The following FKBP6 variants were observed in gnomAD, a reference collection of about 807,000 sequenced individuals.
FKBP6 encodes FKBP prolyl isomerase family member 6 (inactive), also known as inactive peptidyl-prolyl cis-trans isomerase FKBP6.
In FKBP6, 29 loss-of-function variants were observed where a neutral mutation model predicts 41.7. The observed-to-expected ratio is 0.70, with a 90% confidence interval of 0.52 to 0.95. The LOEUF is 0.95. Among genes scored for constraint, FKBP6 ranks in the 40% least tolerant of loss-of-function variants. FKBP6 has a pLI of 0.00. For missense variants in FKBP6, 338 were observed against 408.7 expected, an observed-to-expected ratio of 0.83 and a Z score of 1.49; for synonymous variants, 130 against 165.1, an observed-to-expected ratio of 0.79 and a Z score of 1.63.
intron 5 of FKBP6, among the ~76,000 whole-genome samples, chr7:73,337,309 CTTTT>C (rs5884903): frequency 4.4e-5 from 5 of 112,468 alleles, no homozygotes; most frequent in Admixed American, 2.9e-4. Context: ...CTTCCATGTT[CTTTT>C]TTTTTTTTTT....
chr7:73,355,502 C>T (rs567411202), intron 8 of FKBP6, among the ~76,000 whole-genome samples: 9 of 152,302 alleles, frequency 5.9e-5, no homozygotes, highest in African/African-American at 1.9e-4. Flanking sequence ...CTCCCCCCAT[C>T]TGCATTCATG....
Position 73,334,926 on chromosome 7 carries a change from C to T in FKBP6, c.588+3150C>T, listed in dbSNP as rs548938430. Among the ~76,000 whole-genome samples the T allele has an allele frequency of 2.0e-5, 3 of 152,292 alleles. No homozygotes were observed. The East Asian group carries it at 5.8e-4, about 29-fold the overall frequency. ...CCCAGTTCTCATTTCTGGGGTGAGA[C>T]TCTGGCCTTGTAGTCCAAGATGAGG... On this transcript the variant is annotated intron_variant, in intron 5 of 8. Coordinates refer to ENST00000252037, the MANE Select transcript of FKBP6 (RefSeq NM_003602.5).
Position 73,328,505 on chromosome 7 carries a change from G to T in FKBP6, c.57+20G>T. 1.3e-6 allele frequency: 2 copies of T among 1,558,312 alleles called. No homozygotes were observed. Among genetic ancestry groups the T allele is most frequent in the Admixed American group, 3.9e-5 (2 of 51,482 alleles). ...GGCCAGGTGAGGGCCCAGACGTTTC[G>T]GGGGCGTAGACGCTGAGGGGTGGCC... On this transcript the variant is annotated intron_variant, in intron 1 of 8. Transcript: ENST00000252037.
Position 73,352,617 on chromosome 7 carries a change from C to T in FKBP6, c.*3-5564C>T, listed in dbSNP as rs116286731. Among the ~76,000 whole-genome samples the T allele has an allele frequency of 2.9e-3, 439 of 152,254 alleles. 2 individuals are homozygous for T. Among genetic ancestry groups the T allele is most frequent in the African/African-American group, 0.01 (420 of 41,552 alleles). On this transcript the variant is annotated intron_variant, in intron 8 of 8. Transcript: ENST00000252037. ...CTGTCATACTTTTGATGCTCCCCTACGCTCCCAAGCAGCCACCGACCCAGG... is the reference window on the plus strand; with the variant it reads ...CTGTCATACTTTTGATGCTCCCCTATGCTCCCAAGCAGCCACCGACCCAGG...
rs185422920 is a variant in FKBP6 at position 73,329,593 on chromosome 7, C to G, written c.265+144C>G. 1.8e-4 allele frequency: 130 copies of G among 720,344 alleles called. No individual in the cohort carries two copies. In the East Asian group the frequency reaches 3.3e-3, roughly 18 times the overall value. 44.6% of individuals were successfully genotyped at this position (720,344 alleles called of 1,614,324 possible). A position where few individuals can be genotyped will look rare whatever the true frequency, so the allele number is the denominator to read the frequency against. On this transcript the variant is annotated intron_variant, in intron 3 of 8. Coordinates refer to ENST00000252037, the MANE Select transcript of FKBP6 (RefSeq NM_003602.5). Reference sequence around the variant, plus strand: ...TGGGTTTTGGTAACACAGCCATGTTCTCTCCCCTTGAGACCTAGGCATTTG... The same window carrying G: ...TGGGTTTTGGTAACACAGCCATGTTGTCTCCCCTTGAGACCTAGGCATTTG...
chr7:73,336,691 GCACAC>G (rs200269096), intron 5 of FKBP6: 776 of 455,896 alleles, frequency 1.7e-3, no homozygotes, highest in African/African-American at 0.014. Flanking sequence ...ACATGTACCA[GCACAC>G]CACTGTGTGC....
At chr7:73,356,065 CAAAAAAAAA>C (rs71925165) in intron 8 of FKBP6, among the ~76,000 whole-genome samples, 1,993 of 32,210 alleles carry the variant, frequency 0.062, 60 homozygotes, top group African/African-American at 0.16. Flanking sequence ...GACTCTGTCT[CAAAAAAAAA>C]AAAAAAAAAA....
At chr7:73,329,727 C>T (rs1489028223) in intron 3 of FKBP6, 2 of 558,632 alleles carry the variant, frequency 3.6e-6, no homozygotes, top group Non-Finnish European at 6.4e-6. Flanking sequence ...TACTTACTTC[C>T]CACAATACAT....
intron 8 of FKBP6, among the ~76,000 whole-genome samples, chr7:73,352,336 G>C (rs541740388): frequency 6.6e-6 from 1 of 152,338 alleles, no homozygotes; most frequent in East Asian, 1.9e-4. Flanking sequence ...TATCGGCTTA[G>C]TCTGTTTTTA....
intron 2 of FKBP6, 92 bp from the exon 3 acceptor site, chr7:73,329,268 C>T: frequency 1.2e-6 from 1 of 825,298 alleles, no homozygotes. Flanking sequence ...CTCATCTGTT[C>T]ACATTGTTTC....
At chr7:73,329,802 G>T (rs1176362296) in intron 3 of FKBP6, 2 of 522,284 alleles carry the variant, frequency 3.8e-6, no homozygotes, top group East Asian at 3.6e-5. Flanking sequence ...TCACAATGTA[G>T]TGGAGGAGAC....
intron 8 of FKBP6, among the ~76,000 whole-genome samples, chr7:73,345,506 G>A (rs116817529): frequency 3.5e-4 from 53 of 152,280 alleles, no homozygotes; most frequent in African/African-American, 1.0e-3. Flanking sequence ...GCAGGACTCC[G>A]GCCTGGTTGG....
intron 5 of FKBP6, among the ~76,000 whole-genome samples, chr7:73,340,027 T>C (rs1262177493): frequency 1.3e-5 from 2 of 152,258 alleles, no homozygotes; most frequent in East Asian, 3.8e-4. Flanking sequence ...CTTAATATTG[T>C]CTTCCAATTA....
At chr7:73,331,868 T>C in intron 5 of FKBP6, 92 bp downstream of exon 5, 2 of 1,416,804 alleles carry the variant, frequency 1.4e-6, no homozygotes, top group Non-Finnish European at 2.0e-6. Context: ...GATTTTTGTT[T>C]TGTTTTGTTT....
intron 8 of FKBP6, among the ~76,000 whole-genome samples, chr7:73,345,925 C>T (rs1201809505): frequency 3.3e-5 from 5 of 152,100 alleles, no homozygotes; most frequent in Admixed American, 6.6e-5. Context: ...AGGGTCTATC[C>T]GAGCAGAGCT....
At chr7:73,341,449 C>A (rs1348574543) in intron 7 of FKBP6, 67 bp downstream of exon 7, 3 of 973,814 alleles carry the variant, frequency 3.1e-6, no homozygotes, top group Non-Finnish European at 5.0e-6. Context: ...GTCCCCCCAC[C>A]CCCCCCAACA....
chr7:73,332,438 G>C (rs916127497), intron 5 of FKBP6, among the ~76,000 whole-genome samples: 2 of 150,878 alleles, frequency 1.3e-5, no homozygotes, highest in African/African-American at 4.9e-5. Context: ...GCAGTGAGCC[G>C]AGATTGTGCC....
intron 5 of FKBP6, among the ~76,000 whole-genome samples, chr7:73,340,073 A>G (rs939069621): frequency 3.3e-5 from 5 of 150,776 alleles, no homozygotes; most frequent in Non-Finnish European, 7.4e-5. Context: ...TATTTGAATC[A>G]TCTTTAATTT....
chr7:73,339,488 T>G (rs187076674), intron 5 of FKBP6, among the ~76,000 whole-genome samples: 8 of 152,298 alleles, frequency 5.3e-5, no homozygotes, highest in Admixed American at 4.6e-4. Context: ...TTTAGGAAGT[T>G]TCGTGTTTTT....
Sources: gnomAD v4.1 joint callset for allele counts (sites outside exome capture counted in the v4.1 genomes callset) on GRCh38, gnomAD v4.1.1 for gene constraint, MANE v1.5 for transcripts, NCBI Gene and HGNC (gene_info 2026-07-23, HGNC 2026-07-21) for gene names.